CNOT2: variants seen among roughly 807,000 people sequenced by gnomAD.
The protein encoded by CNOT2 is CCR4-NOT transcription complex subunit 2.
CNOT2 carries 7 observed loss-of-function variants against 72.1 expected under a neutral mutation model. The observed-to-expected ratio is 0.10, with a 90% confidence interval of 0.06 to 0.18. The LOEUF (loss-of-function observed/expected upper bound fraction) is 0.18. CNOT2 is among the 10% of genes least tolerant of loss of function. The probability of loss-of-function intolerance (pLI) is 1.00; values close to 1 mark genes in which losing one functional copy is unlikely to be tolerated. For missense variants in CNOT2, 345 were observed against 660.3 expected (o/e 0.52, Z 5.23); for synonymous variants, 196 against 225.6 (o/e 0.87, Z 1.17).
At chr12:70,318,238 G>T (rs1028917039) in intron 3 of CNOT2, among the ~76,000 whole-genome samples, 2 of 151,824 alleles carry the variant, frequency 1.3e-5, no homozygotes, top group African/African-American at 4.8e-5. Context: ...AGCCATTCTT[G>T]TATGACATTT....
intron 7 of CNOT2, among the ~76,000 whole-genome samples, chr12:70,334,015 G>A (rs1266016918): frequency 3.3e-5 from 5 of 151,828 alleles, no homozygotes; most frequent in Non-Finnish European, 7.4e-5. Context: ...TTTAAATTCT[G>A]TTTTAACTAA....
chr12:70,343,361 T>C (rs887621946), intron 13 of CNOT2, among the ~76,000 whole-genome samples: 1 of 152,208 alleles, frequency 6.6e-6, no homozygotes, highest in East Asian at 1.9e-4. Flanking sequence ...TGGGACACTT[T>C]TAAGGTTTAT....
intron 15 of CNOT2, chr12:70,347,906 C>T (rs1461886246): frequency 3.9e-5 from 6 of 152,038 alleles, no homozygotes; most frequent in Non-Finnish European, 4.4e-5. Context: ...ATGTTACCTG[C>T]TTTTTAAGAT....
At chr12:70,345,853 C>T (rs1882096726) in intron 14 of CNOT2, 1 of 181,470 alleles carries the variant, frequency 5.5e-6, no homozygotes, top group Non-Finnish European at 1.1e-5. Context: ...GAAGTTTTTG[C>T]AACACATTGT....
At chr12:70,301,750 G>C (rs939495425) in intron 2 of CNOT2, 1 of 152,176 alleles carries the variant, frequency 6.6e-6, no homozygotes, top group African/African-American at 2.4e-5. Flanking sequence ...GAATTAGGGA[G>C]GATTCCCTCT....
chr12:70,305,047 C>A (rs189695993), intron 2 of CNOT2, among the ~76,000 whole-genome samples: 1 of 152,294 alleles, frequency 6.6e-6, no homozygotes, highest in Admixed American at 6.5e-5. Flanking sequence ...GGGAGTGACC[C>A]GATTTTCCAG....
chr12:70,257,311 T>TAGTA (rs1340240603), intron 1 of CNOT2, among the ~76,000 whole-genome samples: 1 of 151,648 alleles, frequency 6.6e-6, no homozygotes, highest in Non-Finnish European at 1.5e-5. Flanking sequence ...GCACATCCGA[T>TAGTA]AGTATACAGG....
At chr12:70,343,209 T>C (rs2136071192) in intron 13 of CNOT2, among the ~76,000 whole-genome samples, 1 of 152,350 alleles carries the variant, frequency 6.6e-6, no homozygotes, top group African/African-American at 2.4e-5. Context: ...TGAGAAATAC[T>C]AATTTAGGAG....
At chr12:70,341,882 A>T (rs1881555501) in intron 11 of CNOT2, 1 of 576,882 alleles carries the variant, frequency 1.7e-6, no homozygotes. Flanking sequence ...TGTGTTATTT[A>T]TACTGTATTG....
At chr12:70,277,186 C>G (rs2135800486) in intron 1 of CNOT2, among the ~76,000 whole-genome samples, 1 of 152,114 alleles carries the variant, frequency 6.6e-6, no homozygotes, top group South Asian at 2.1e-4. Flanking sequence ...GGTATGCATA[C>G]TACTTCCTTA....
At chr12:70,324,976 A>C (rs1412841781) in intron 4 of CNOT2, among the ~76,000 whole-genome samples, 1 of 151,408 alleles carries the variant, frequency 6.6e-6, no homozygotes, top group Non-Finnish European at 1.5e-5. Flanking sequence ...TTCCAGACTC[A>C]CTCTATTCCC....
At chr12:70,347,327 C>T (rs1882301793) in intron 15 of CNOT2, among the ~76,000 whole-genome samples, 1 of 151,842 alleles carries the variant, frequency 6.6e-6, no homozygotes, top group Non-Finnish European at 1.5e-5. Flanking sequence ...TTTTACATCC[C>T]AAGATTTCAT....
rs142541257 is a variant in CNOT2 at position 70,301,522 on chromosome 12, G to A, written c.49-9373G>A. On this transcript the variant is annotated intron_variant, in intron 2 of 15. Transcript: ENST00000229195. Reference sequence around the variant, plus strand: ...TGGTTCTGTTTATATGCTGGACTACGTTTATTGATTTTCTTATGTTGAACC... The same window carrying A: ...TGGTTCTGTTTATATGCTGGACTACATTTATTGATTTTCTTATGTTGAACC... Among the ~76,000 whole-genome samples, 981 of 152,152 alleles carry A rather than the reference G, an allele frequency of 6.4e-3. 11 individuals are homozygous for A. The highest frequency in any genetic ancestry group is 0.022 in the African/African-American group (898 of 41,508).
In CNOT2 at chr12:70,252,808, C is replaced by T. The variant is rs145052518; in HGVS notation, c.-96+9328C>T. On this transcript the variant is annotated intron_variant, in intron 1 of 15. Transcript: ENST00000229195. ...AACAAAGAAAAATGTAGATAAATAA[C>T]AATACTTACCCAGTAGAACTGATGT... is the stretch of plus-strand genomic sequence containing the variant. Among the ~76,000 whole-genome samples the T allele has an allele frequency of 3.0e-3, 459 of 152,192 alleles. 1 individual carries two copies. The highest frequency in any genetic ancestry group is 0.01 in the African/African-American group (429 of 41,526).
intron 1 of CNOT2, among the ~76,000 whole-genome samples, chr12:70,264,505 C>A (rs1188183587): frequency 3.3e-5 from 5 of 152,202 alleles, no homozygotes; most frequent in African/African-American, 1.2e-4. Context: ...TTACCTATCC[C>A]TGTGTGTAAC....
At chr12:70,291,891 C>T (rs758397966) in intron 2 of CNOT2, among the ~76,000 whole-genome samples, 3 of 152,100 alleles carry the variant, frequency 2.0e-5, no homozygotes, top group African/African-American at 4.8e-5. Context: ...GAGCCGAGAT[C>T]GTGCCACTGC....
In CNOT2 at chr12:70,304,030, T is replaced by C. The variant is rs1874686474; in HGVS notation, c.49-6865T>C. ...TGAGGCTTGTGCATTCGTCACGTTC[T>C]CGTGCCGTGGTTTTCAGCTCCATCA... On this transcript the variant is annotated intron_variant, in intron 2 of 15. Coordinates refer to ENST00000229195, the MANE Select transcript of CNOT2 (RefSeq NM_014515.7). Among the ~76,000 whole-genome samples the C allele has an allele frequency of 1.3e-5, 2 of 152,374 alleles. 1 individual carries two copies. The highest frequency in any genetic ancestry group is 4.1e-4 in the South Asian group (2 of 4,826).
chr12:70,274,175 A>G (rs903799643), intron 1 of CNOT2, among the ~76,000 whole-genome samples: 1 of 152,056 alleles, frequency 6.6e-6, no homozygotes, highest in African/African-American at 2.4e-5. Flanking sequence ...TCATCTGTCC[A>G]TCAACTCAGA....
chr12:70,323,889 T>C (rs1878674422), intron 4 of CNOT2: 1 of 151,660 alleles, frequency 6.6e-6, no homozygotes, highest in African/African-American at 2.4e-5. Context: ...TTGGCTTTCT[T>C]TTCATAAGTA....
Sources: allele counts gnomAD v4.1 joint callset (sites outside exome capture counted in the v4.1 genomes callset), GRCh38; gene constraint gnomAD v4.1.1; transcripts MANE v1.5; gene names NCBI Gene and HGNC (gene_info 2026-07-23, HGNC 2026-07-21).